SYTL5: variants seen among roughly 807,000 people sequenced by gnomAD.
SYTL5 encodes the protein synaptotagmin like 5.
In SYTL5, 34 loss-of-function variants were observed where a neutral mutation model predicts 55.9. The ratio of observed to expected loss-of-function variants is 0.61; its 90% CI spans 0.46 to 0.81. The LOEUF (loss-of-function observed/expected upper bound fraction) is 0.81, where lower values mean the gene tolerates loss of function less well. SYTL5 is among the 30% of genes least tolerant of loss of function. SYTL5 has a pLI of 0.00. For synonymous variants in SYTL5, 221 were observed against 188.7 expected, an observed-to-expected ratio of 1.17 and a Z score of -1.40; for missense variants, 637 against 546.7, an observed-to-expected ratio of 1.17 and a Z score of -1.65.
intron 3 of SYTL5, among the ~76,000 whole-genome samples, chrX:38,060,120 A>C: frequency 9.0e-6 from 1 of 111,382 alleles, no homozygotes; most frequent in East Asian, 2.8e-4. Context: ...TATCATTACA[A>C]GGTAATTACT....
the SYTL5 span, chrX:37,991,074 C>T: frequency 5.5e-5 from 67 of 1,209,327 alleles, no homozygotes; most frequent in Admixed American, 1.2e-3. Flanking sequence ...TGGCAGTATG[C>T]GCAACACTTC....
the SYTL5 span, among the ~76,000 whole-genome samples, chrX:37,921,854 C>T: frequency 9.0e-6 from 1 of 111,524 alleles, no homozygotes; most frequent in African/African-American, 3.2e-5. Context: ...ATTGGATACT[C>T]AAGAAGTCTA....
chrX:37,990,722 C>G, the SYTL5 span: 1 of 1,040,234 alleles, frequency 9.6e-7, no homozygotes, highest in African/African-American at 1.9e-5. Flanking sequence ...AGCTCCCTGA[C>G]CAATAAGGGC....
the SYTL5 span, among the ~76,000 whole-genome samples, chrX:37,934,952 T>C: frequency 1.8e-5 from 2 of 111,768 alleles, no homozygotes; most frequent in Non-Finnish European, 1.9e-5. Context: ...CAAAATAAAA[T>C]GGCCAAAAAC....
the SYTL5 span, among the ~76,000 whole-genome samples, chrX:37,979,356 G>A: frequency 9.2e-6 from 1 of 108,378 alleles, no homozygotes. Flanking sequence ...TGAACATAGT[G>A]TAGCCGCTGT....
chrX:38,090,042 G>T (rs1936760513), intron 7 of SYTL5, among the ~76,000 whole-genome samples: 1 of 112,123 alleles, frequency 8.9e-6, no homozygotes, highest in Non-Finnish European at 1.9e-5. Flanking sequence ...GCTTCATCAG[G>T]ACTGAACCTC....
At chrX:37,943,029 C>G in the SYTL5 span, among the ~76,000 whole-genome samples, 4 of 111,809 alleles carry the variant, frequency 3.6e-5, no homozygotes, top group African/African-American at 1.3e-4. Flanking sequence ...TCTCTATGAA[C>G]AAGTCAGTCA....
the SYTL5 span, among the ~76,000 whole-genome samples, chrX:37,932,174 C>T: frequency 9.0e-6 from 1 of 111,701 alleles, no homozygotes; most frequent in Non-Finnish European, 1.9e-5. Flanking sequence ...ACTGTCCACA[C>T]GAAGTCTGTA....
At chrX:38,019,279 G>A (rs1258602769) in intron 1 of SYTL5, among the ~76,000 whole-genome samples, 1 of 111,902 alleles carries the variant, frequency 8.9e-6, no homozygotes, top group Non-Finnish European at 1.9e-5. Context: ...TCTTTGTTTG[G>A]ATGCCAAATT....
At chrX:38,008,677 C>A (rs987868362) in intron 1 of SYTL5, among the ~76,000 whole-genome samples, 1 of 96,264 alleles carries the variant, frequency 1.0e-5, no homozygotes, top group East Asian at 3.3e-4. Context: ...ATAAAACATA[C>A]CCTACTGCCT....
At chrX:38,093,896 G>T (rs1476661452) in intron 7 of SYTL5, among the ~76,000 whole-genome samples, 1 of 110,249 alleles carries the variant, frequency 9.1e-6, no homozygotes, top group Admixed American at 9.7e-5. Flanking sequence ...TTGAAAGAGG[G>T]AACAAAATAG....
the SYTL5 span, among the ~76,000 whole-genome samples, chrX:37,916,038 C>G: frequency 3.6e-5 from 4 of 111,229 alleles, no homozygotes; most frequent in Non-Finnish European, 7.5e-5. Context: ...AGCACCTACT[C>G]TACTGTGTGC....
rs771046978 is a variant in SYTL5, at chrX:38,072,169, A to C, written c.445+7A>C. ...ATTTTAAGAAGAAGTCCAGGTAATTAAAGCAATTATGTGGTTTCACAACTG... is the reference window on the plus strand; with the variant it reads ...ATTTTAAGAAGAAGTCCAGGTAATTCAAGCAATTATGTGGTTTCACAACTG... On this transcript the variant is annotated splice_region_variant and intron_variant, in intron 4 of 16. Transcript: ENST00000297875. The C allele has an allele frequency of 2.6e-6, 3 of 1,163,620 alleles. No homozygotes were observed. The highest frequency in any genetic ancestry group is 3.5e-6 in the Non-Finnish European group (3 of 852,073).
chrX:38,012,786 T>A (rs184116643), intron 1 of SYTL5, among the ~76,000 whole-genome samples: 1 of 112,067 alleles, frequency 8.9e-6, no homozygotes, highest in African/African-American at 3.2e-5. Flanking sequence ...TCAAGTGACA[T>A]TATATCAAAG....
chrX:38,012,342 A>G (rs1223805422), intron 1 of SYTL5, among the ~76,000 whole-genome samples: 1 of 112,291 alleles, frequency 8.9e-6, no homozygotes. Context: ...TAAAGCAAGT[A>G]AAATCCTCAA....
chrX:38,059,523 G>T lies in SYTL5; in HGVS notation c.329+5101G>T, dbSNP rs146079494. On this transcript the variant is annotated intron_variant, in intron 3 of 16. Coordinates refer to ENST00000297875, the MANE Select transcript of SYTL5 (RefSeq NM_138780.3). ...TGGGACCTTGGTCCCCATGAGGGCT[G>T]ATCTGTTTCTGGATCACATAAACTC... Among the ~76,000 whole-genome samples, 87 of 111,798 alleles carry T rather than the reference G, an allele frequency of 7.8e-4. No homozygotes were observed. In the East Asian group the frequency reaches 0.018, roughly 24 times the overall value.
rs939293420 is a variant in SYTL5, at chrX:38,064,069, G to A, written c.330-7978G>A. Among the ~76,000 whole-genome samples, 15 of 72,085 alleles carry A rather than the reference G, an allele frequency of 2.1e-4. No homozygotes were observed. The South Asian group carries it at 2.9e-3, about 14-fold the overall frequency. The allele number at this position is 72,085 out of a possible 115,157, so 62.6% of individuals were successfully genotyped here. A position where few individuals can be genotyped will look rare whatever the true frequency, so the allele number is the denominator to read the frequency against. On this transcript the variant is annotated intron_variant, in intron 3 of 16. Coordinates refer to ENST00000297875, the MANE Select transcript of SYTL5 (RefSeq NM_138780.3). ...TCAGTATAGATATACATATATATAT[G>A]TGTGTGTGTGTGTGTGTGTATGTGT...
chrX:37,893,736 T>C, the SYTL5 span, among the ~76,000 whole-genome samples: 1 of 82,993 alleles, frequency 1.2e-5, no homozygotes, highest in Non-Finnish European at 2.2e-5. Context: ...ATATAATCTA[T>C]AGATAAACTA....
the SYTL5 span, among the ~76,000 whole-genome samples, chrX:37,942,932 C>A: frequency 1.7e-4 from 19 of 111,599 alleles, no homozygotes; most frequent in Non-Finnish European, 2.3e-4. Context: ...GCTGGCCTCC[C>A]TTCTGGCCAC....
Sources: allele counts gnomAD v4.1 joint callset (sites outside exome capture counted in the v4.1 genomes callset), GRCh38; gene constraint gnomAD v4.1.1; transcripts MANE v1.5; gene names NCBI Gene and HGNC (gene_info 2026-07-23, HGNC 2026-07-21).